Variants in GALNTL6 observed in about 807,000 individuals in gnomAD.
The protein encoded by GALNTL6 is polypeptide N-acetylgalactosaminyltransferase like 6, also known as polypeptide N-acetylgalactosaminyltransferase-like 6.
GALNTL6 carries 46 observed loss-of-function variants against 73.7 expected under a neutral mutation model. The ratio of observed to expected loss-of-function variants is 0.62; its 90% CI spans 0.49 to 0.80. The LOEUF (loss-of-function observed/expected upper bound fraction) is 0.80. Ranked by LOEUF, GALNTL6 falls within the 30% of genes least tolerant of loss-of-function variation. GALNTL6 has a pLI of 0.00. For missense variants in GALNTL6, 604 were observed against 755.0 expected, an observed-to-expected ratio of 0.80 and a Z score of 2.34; for synonymous variants, 259 against 263.7, an observed-to-expected ratio of 0.98 and a Z score of 0.17.
intron 2 of GALNTL6, among the ~76,000 whole-genome samples, chr4:172,011,366 A>G (rs1178680789): frequency 6.6e-6 from 1 of 152,118 alleles, no homozygotes; most frequent in Non-Finnish European, 1.5e-5. Flanking sequence ...AATAGAAAAC[A>G]GGAAGGAAGT....
In GALNTL6 at chr4:172,746,492, C is replaced by A. The variant is rs906408812; in HGVS notation, c.554-62869C>A. On this transcript the variant is annotated intron_variant, in intron 5 of 12. Transcript: ENST00000506823. ...ATTTTTATAGTATCTAAGCCTTTTTCTCAATGTTTCTAAGTCTCCATTTTT... is the reference window on the plus strand; with the variant it reads ...ATTTTTATAGTATCTAAGCCTTTTTATCAATGTTTCTAAGTCTCCATTTTT... 8.6e-5 allele frequency among the ~76,000 whole-genome samples: 13 copies of A among 151,982 alleles called. No individual in the cohort carries two copies. In the East Asian group the frequency reaches 2.5e-3, roughly 29 times the overall value.
At chr4:171,994,889 A>G (rs1399987983) in intron 2 of GALNTL6, among the ~76,000 whole-genome samples, 1 of 152,030 alleles carries the variant, frequency 6.6e-6, no homozygotes, top group Non-Finnish European at 1.5e-5. Context: ...CCAGCAATGA[A>G]ACTAATTATT....
At chr4:172,463,001 C>T (rs976450905) in intron 5 of GALNTL6, among the ~76,000 whole-genome samples, 2 of 152,152 alleles carry the variant, frequency 1.3e-5, no homozygotes, top group African/African-American at 2.4e-5. Context: ...TGCCTAAACA[C>T]ACCAATTTTG....
Position 172,839,631 on chromosome 4 carries a change from G to A in GALNTL6, c.923+25908G>A, listed in dbSNP as rs908346201. 5.8e-4 allele frequency among the ~76,000 whole-genome samples: 88 copies of A among 152,142 alleles called. 1 individual carries two copies. The highest frequency in any genetic ancestry group is 5.8e-3 in the Admixed American group (88 of 15,262). ...TCTGATAGATTTAATCATTAGTAAA[G>A]GTCTTTCTACAATACAGAATTGATA... On this transcript the variant is annotated intron_variant, in intron 7 of 12. Coordinates refer to ENST00000506823, the MANE Select transcript of GALNTL6 (RefSeq NM_001034845.3).
intron 2 of GALNTL6, among the ~76,000 whole-genome samples, chr4:171,819,354 C>T (rs570025730): frequency 2.0e-5 from 3 of 152,050 alleles, no homozygotes; most frequent in Non-Finnish European, 4.4e-5. Context: ...ATCACATTGC[C>T]CCATGGGAGA....
chr4:172,767,823 C>T (rs1579455590), intron 5 of GALNTL6, among the ~76,000 whole-genome samples: 1 of 151,934 alleles, frequency 6.6e-6, no homozygotes, highest in Non-Finnish European at 1.5e-5. Flanking sequence ...GAGCACACCA[C>T]CACGCCCAGC....
chr4:172,824,186 C>A (rs1000304309), intron 7 of GALNTL6, among the ~76,000 whole-genome samples: 1 of 152,080 alleles, frequency 6.6e-6, no homozygotes. Context: ...GCCGTTGAAG[C>A]CTGCAGTATT....
rs34612752 is a variant in GALNTL6, at chr4:172,270,729, T to TGATA, written c.248-40865_248-40862dup. 5.4e-3 allele frequency among the ~76,000 whole-genome samples: 820 copies of TGATA among 151,700 alleles called. 9 individuals are homozygous for TGATA. Among genetic ancestry groups the TGATA allele is most frequent in the African/African-American group, 0.017 (717 of 41,376 alleles). The stretch of plus-strand genomic sequence containing the variant: ...TATACTTTCTTGATAGGTAGGTAGA[T>TGATA]GATAGATAGATAGATAGATAGATGA... On this transcript the variant is annotated intron_variant, in intron 3 of 12. Coordinates refer to ENST00000506823, the MANE Select transcript of GALNTL6 (RefSeq NM_001034845.3).
intron 4 of GALNTL6, among the ~76,000 whole-genome samples, chr4:172,323,941 A>G (rs1256089412): frequency 2.0e-5 from 3 of 152,050 alleles, no homozygotes; most frequent in Non-Finnish European, 4.4e-5. Context: ...AATAAAACTG[A>G]CTGTAAATGA....
At chr4:172,551,576 A>G (rs1489131071) in intron 5 of GALNTL6, among the ~76,000 whole-genome samples, 1 of 152,180 alleles carries the variant, frequency 6.6e-6, no homozygotes, top group Non-Finnish European at 1.5e-5. Context: ...ATTCCTGAAA[A>G]AGAAGAATGG....
chr4:172,117,807 G>A (rs78968690), intron 2 of GALNTL6, among the ~76,000 whole-genome samples: 7,057 of 151,988 alleles, frequency 0.046, 366 homozygotes, highest in Admixed American at 0.16. Context: ...AAAAAGAGAC[G>A]AAATTGTAGG....
At chr4:171,847,166 G>T (rs1735396895) in intron 2 of GALNTL6, among the ~76,000 whole-genome samples, 1 of 151,870 alleles carries the variant, frequency 6.6e-6, no homozygotes, top group African/African-American at 2.4e-5. Context: ...TGGAGATATT[G>T]CAGATTTGGT....
At chr4:172,112,775 C>T (rs1732888508) in intron 2 of GALNTL6, among the ~76,000 whole-genome samples, 1 of 151,708 alleles carries the variant, frequency 6.6e-6, no homozygotes, top group African/African-American at 2.4e-5. Flanking sequence ...AGGCTGGAGC[C>T]TTTATTAATG....
intron 5 of GALNTL6, among the ~76,000 whole-genome samples, chr4:172,640,952 C>G (rs1739945392): frequency 6.6e-6 from 1 of 152,046 alleles, no homozygotes; most frequent in Non-Finnish European, 1.5e-5. Flanking sequence ...CCACTCTCCC[C>G]ACAGCCATCT....
At chr4:172,896,413 T>C (rs774785799) in intron 8 of GALNTL6, among the ~76,000 whole-genome samples, 16 of 152,198 alleles carry the variant, frequency 1.1e-4, no homozygotes, top group Admixed American at 5.2e-4. Context: ...ATGTGGTTTC[T>C]CAGTCCAGAC....
intron 2 of GALNTL6, among the ~76,000 whole-genome samples, chr4:171,904,599 A>G: frequency 6.6e-6 from 1 of 152,198 alleles, no homozygotes; most frequent in Non-Finnish European, 1.5e-5. Flanking sequence ...AACTTCCCCA[A>G]TCTAGCAAGG....
chr4:172,874,519 G>A (rs1460824404), intron 7 of GALNTL6, among the ~76,000 whole-genome samples: 1 of 152,172 alleles, frequency 6.6e-6, no homozygotes, highest in Non-Finnish European at 1.5e-5. Flanking sequence ...TCCTGATAGT[G>A]TTATAAGATC....
At chr4:172,460,460 C>A (rs184216622) in intron 5 of GALNTL6, among the ~76,000 whole-genome samples, 1 of 152,248 alleles carries the variant, frequency 6.6e-6, no homozygotes, top group East Asian at 1.9e-4. Flanking sequence ...AAAATTTTTG[C>A]AACCTATCCA....
At chr4:172,429,289 G>T (rs1169086934) in intron 5 of GALNTL6, among the ~76,000 whole-genome samples, 3 of 150,510 alleles carry the variant, frequency 2.0e-5, no homozygotes, top group African/African-American at 7.3e-5. Flanking sequence ...TCAGCTCGCT[G>T]CAACCTCTGC....
Sources: gnomAD v4.1 joint callset for allele counts (sites outside exome capture counted in the v4.1 genomes callset) on GRCh38, gnomAD v4.1.1 for gene constraint, MANE v1.5 for transcripts, NCBI Gene and HGNC (gene_info 2026-07-23, HGNC 2026-07-21) for gene names.